ERN1: variants seen among roughly 807,000 people sequenced by gnomAD.
ERN1 encodes serine/threonine-protein kinase/endoribonuclease IRE1.
ERN1 carries 39 observed loss-of-function variants against 113.1 expected under a neutral mutation model. The observed-to-expected ratio is 0.34, with a 90% CI of 0.27 to 0.45. ERN1 has a LOEUF of 0.45. Ranked by LOEUF, ERN1 falls within the 20% of genes least tolerant of loss-of-function variation. ERN1 has a pLI of 1.00. For synonymous variants in ERN1, 507 were observed against 515.9 expected, an observed-to-expected ratio of 0.98 and a Z score of 0.23; for missense variants, 976 against 1,274.8, an observed-to-expected ratio of 0.77 and a Z score of 3.57.
At chr17:64,050,607 G>A (rs1047216965) in intron 17 of ERN1, among the ~76,000 whole-genome samples, 4 of 152,100 alleles carry the variant, frequency 2.6e-5, no homozygotes, top group Admixed American at 2.0e-4. Flanking sequence ...CTCTCAAATC[G>A]CTTAGGAAGT....
At chr17:64,110,450 C>T (rs921389731) in intron 1 of ERN1, among the ~76,000 whole-genome samples, 4 of 152,172 alleles carry the variant, frequency 2.6e-5, no homozygotes, top group Non-Finnish European at 4.4e-5. Context: ...ATCTCCTGAA[C>T]AGCCCAGTTC....
At chr17:64,101,935 G>A (rs950661497) in intron 1 of ERN1, among the ~76,000 whole-genome samples, 1 of 152,122 alleles carries the variant, frequency 6.6e-6, no homozygotes, top group Non-Finnish European at 1.5e-5. Flanking sequence ...TGAGCATCTT[G>A]GAAGCCACTG....
chr17:64,055,813 C>T lies in ERN1; in HGVS notation c.1534G>A (p.Asp512Asn), dbSNP rs1479061800. ...GDTAQDGELLDTSGPYSESSG... is the reference protein window; with the variant it reads ...GDTAQDGELLNTSGPYSESSG... ...CTCTCTGAGTACGGGCCAGACGTGT[C>T]CAGGAGCTCGCCGTCCTGAGCCGTG... Residue 512 changes from aspartate (D) to asparagine (N), a missense_variant, in exon 13 of 22, where the codon GAC becomes AAC. Coordinates refer to ENST00000433197, the MANE Select transcript of ERN1 (RefSeq NM_001433.5). 2.5e-6 allele frequency: 4 copies of T among 1,573,788 alleles called. No individual in the cohort carries two copies. Among genetic ancestry groups the T allele is most frequent in the Non-Finnish European group, 3.4e-6 (4 of 1,159,762 alleles).
intron 11 of ERN1, among the ~76,000 whole-genome samples, chr17:64,058,396 A>G (rs1010231875): frequency 6.6e-6 from 1 of 152,210 alleles, no homozygotes; most frequent in Non-Finnish European, 1.5e-5. Context: ...TAATAATACC[A>G]TTTCACATTA....
chr17:64,069,664 G>T (rs1041349139), intron 6 of ERN1, among the ~76,000 whole-genome samples: 1 of 152,078 alleles, frequency 6.6e-6, no homozygotes, highest in Non-Finnish European at 1.5e-5. Flanking sequence ...GCCCTTTTTT[G>T]AGTGAACATG....
At chr17:64,081,974 T>C (rs1913781908) in intron 2 of ERN1, among the ~76,000 whole-genome samples, 1 of 152,130 alleles carries the variant, frequency 6.6e-6, no homozygotes. Flanking sequence ...CCCACAGCCA[T>C]GCTATACACA....
intron 1 of ERN1, among the ~76,000 whole-genome samples, chr17:64,103,496 C>CAAA (rs11303108): frequency 1.6e-5 from 1 of 62,258 alleles, no homozygotes; most frequent in Non-Finnish European, 3.6e-5. Context: ...GACTCCATCT[C>CAAA]AAAAAAAAAA....
In ERN1 at chr17:64,041,791, A is replaced by G. The variant is rs1912345661; in HGVS notation, c.*2197T>C. The G allele has an allele frequency of 6.6e-6, 1 of 152,216 alleles. No individual in the cohort carries two copies. The highest frequency in any genetic ancestry group is 2.4e-5 in the African/African-American group (1 of 41,438). 9.4% of individuals were successfully genotyped at this position (152,216 alleles called of 1,614,324 possible). A position where few individuals can be genotyped will look rare whatever the true frequency, so the allele number is the denominator to read the frequency against. ...TTTTGCCTGTCTTGTTCATCGCTGT[A>G]TCTCCGGCACCCTATATCCTGCCTA... On this transcript the variant is annotated 3_prime_UTR_variant, in exon 22 of 22. Coordinates refer to ENST00000433197, the MANE Select transcript of ERN1 (RefSeq NM_001433.5).
chr17:64,056,522 G>A (rs1912876117), intron 12 of ERN1, among the ~76,000 whole-genome samples: 1 of 152,216 alleles, frequency 6.6e-6, no homozygotes, highest in African/African-American at 2.4e-5. Context: ...GCCTGGCTGA[G>A]GTCCTGCTTC....
At chr17:64,066,157 C>T (rs1486960555) in intron 8 of ERN1, among the ~76,000 whole-genome samples, 1 of 152,152 alleles carries the variant, frequency 6.6e-6, no homozygotes, top group Admixed American at 6.5e-5. Context: ...CACACACACA[C>T]TGTAACTATT....
intron 4 of ERN1, 66 bp from the exon 5 acceptor site, chr17:64,075,313 C>T: frequency 7.3e-7 from 1 of 1,369,584 alleles, no homozygotes; most frequent in Non-Finnish European, 9.8e-7. Context: ...ACAATTTTAC[C>T]AGGCAGTTTG....
At chr17:64,099,541 T>A (rs1313051808) in intron 1 of ERN1, among the ~76,000 whole-genome samples, 3 of 151,530 alleles carry the variant, frequency 2.0e-5, no homozygotes, top group African/African-American at 4.8e-5. Flanking sequence ...AAAAAAAAAA[T>A]GCCAATGCAA....
At chr17:64,069,868 G>A (rs758776372) in intron 6 of ERN1, among the ~76,000 whole-genome samples, 21 of 151,078 alleles carry the variant, frequency 1.4e-4, no homozygotes, top group Non-Finnish European at 2.4e-4. Flanking sequence ...ATTGGACTTT[G>A]GGGGTCTTTG....
chr17:64,061,538 C>A lies in ERN1; in HGVS notation c.1088-951G>T, dbSNP rs115964563. Among the ~76,000 whole-genome samples the A allele has an allele frequency of 3.4e-3, 515 of 152,332 alleles. 1 individual carries two copies. The highest frequency in any genetic ancestry group is 0.012 in the African/African-American group (487 of 41,582). The stretch of plus-strand genomic sequence containing the variant: ...TGTACATTTCTTGATCTGGAAAATT[C>A]CTCTTTGAGTTCCCATCTTTAGGTC... On this transcript the variant is annotated intron_variant, in intron 10 of 21. Transcript: ENST00000433197.
intron 8 of ERN1, 54 bp downstream of exon 8, chr17:64,066,617 C>T: frequency 1.3e-6 from 2 of 1,599,132 alleles, no homozygotes; most frequent in African/African-American, 1.3e-5. Context: ...ACTGCAACAG[C>T]ACCAGAACAC....
At position 64,098,123 on chromosome 17, in the gene ERN1, T is replaced by C; in HGVS notation, c.173A>G (p.Glu58Gly). 6.2e-7 allele frequency: 1 copy of C among 1,613,964 alleles called. No homozygotes were observed. Among genetic ancestry groups the C allele is most frequent in the Non-Finnish European group, 8.5e-7 (1 of 1,179,852 alleles). Residue 58 changes from glutamate (E) to glycine (G), a missense_variant and splice_region_variant, in exon 2 of 22, where the codon GAA (glutamate) becomes GGA (glycine). Glu to Gly is a moderately conservative substitution (Grantham distance 98, BLOSUM62 -2). This residue lies in a region of ERN1 where 459 missense variants were observed against 581.2 expected (regional missense o/e 0.79). Coordinates refer to ENST00000433197, the MANE Select transcript of ERN1 (RefSeq NM_001433.5). ...CCCAAGGACCAAATCCAAATTACCT[T>C]CTTTTAAAGTCCATTTGATTGAGCC... The part of the protein sequence containing the change: ...RTGSIKWTLK[E>G]DPVLQVPTHV...
chr17:64,129,942 G>C (rs749633324), intron 1 of ERN1, 34 bp downstream of exon 1: 2 of 1,412,968 alleles, frequency 1.4e-6, no homozygotes, highest in South Asian at 2.9e-5. Flanking sequence ...GCCGTCGCGA[G>C]CTGTCCTCCA....
intron 1 of ERN1, among the ~76,000 whole-genome samples, chr17:64,100,583 C>T (rs187688101): frequency 6.6e-6 from 1 of 152,104 alleles, no homozygotes; most frequent in East Asian, 1.9e-4. Flanking sequence ...CCAGCCTGGC[C>T]AACATGGTGA....
rs1418185838 is a variant in ERN1, at chr17:64,122,004, AC to A, written c.54+7971del. On this transcript the variant is annotated intron_variant, in intron 1 of 21. Coordinates refer to ENST00000433197, the MANE Select transcript of ERN1 (RefSeq NM_001433.5). ...TTTCCTGAAGCTTACAAGAAAGCCT[AC>A]TGGCCTAGACCTTCTCTAGATCCTT... is the stretch of plus-strand genomic sequence containing the variant. Among the ~76,000 whole-genome samples the A allele has an allele frequency of 1.3e-5, 2 of 152,232 alleles. 1 individual carries two copies. The highest frequency in any genetic ancestry group is 3.8e-4 in the East Asian group (2 of 5,198).
Sources: gnomAD v4.1 joint callset for allele counts (sites outside exome capture counted in the v4.1 genomes callset) on GRCh38, gnomAD v4.1.1 for gene constraint, gnomAD v4.1.1 regional missense constraint, MANE v1.5 for transcripts, NCBI Gene and HGNC (gene_info 2026-07-23, HGNC 2026-07-21) for gene names.